ARPP21: variants seen among roughly 807,000 people sequenced by gnomAD.
ARPP21 encodes cAMP-regulated phosphoprotein 21.
Under a neutral mutation model 113.2 loss-of-function variants are expected in ARPP21, and 69 were observed. The observed-to-expected ratio is 0.61, with a 90% CI of 0.50 to 0.74. ARPP21 has a LOEUF of 0.74. Ranked by LOEUF, ARPP21 falls within the 30% of genes least tolerant of loss-of-function variation. The pLI is 0.00. For synonymous variants in ARPP21, 368 were observed against 375.5 expected, an observed-to-expected ratio of 0.98 and a Z score of 0.23; for missense variants, 1,070 against 1,037.4, an observed-to-expected ratio of 1.03 and a Z score of -0.43.
rs185867328 is a variant in ARPP21 at position 35,793,829 on chromosome 3, G to T, written c.2415G>T (p.Pro805=). 1.3e-4 allele frequency: 207 copies of T among 1,614,112 alleles called. 3 individuals carry two copies. The South Asian group carries it at 2.1e-3, about 16-fold the overall frequency. The change falls in exon 21 of 21, where the codon CCG becomes CCT. Residue 805 remains proline, a synonymous_variant. Coordinates refer to ENST00000684406, the MANE Select transcript of ARPP21 (RefSeq NM_001385562.1). ...TGCCTGTTTACTGTAATGTCACACC[G>T]CCCACCCCTCAGAACAACCTTAGGC... ...TGMPVYCNVT[P]PTPQNNLRLI...
At chr3:35,683,004 G>A in intron 4 of ARPP21, 115 bp downstream of exon 4, 3 of 1,022,564 alleles carry the variant, frequency 2.9e-6, no homozygotes, top group Non-Finnish European at 2.9e-6. Context: ...ATATTGTGGG[G>A]CATCTCGGCT....
At chr3:35,708,890 T>A in intron 10 of ARPP21, 79 bp from the exon 11 acceptor site, 1 of 903,504 alleles carries the variant, frequency 1.1e-6, no homozygotes. Flanking sequence ...CATTTATTAT[T>A]CTTAGCTGAC....
intron 11 of ARPP21, among the ~76,000 whole-genome samples, chr3:35,712,018 C>T (rs985573224): frequency 6.6e-6 from 1 of 152,068 alleles, no homozygotes; most frequent in African/African-American, 2.4e-5. Context: ...TGGGGGTGAC[C>T]CTGTATAAAG....
intron 1 of ARPP21, among the ~76,000 whole-genome samples, chr3:35,661,696 T>C (rs1286875357): frequency 6.6e-6 from 1 of 152,200 alleles, no homozygotes; most frequent in African/African-American, 2.4e-5. Flanking sequence ...AAGAGTACTT[T>C]TGTAGGCAAC....
chr3:35,722,031 C>T (rs886563687), intron 14 of ARPP21, among the ~76,000 whole-genome samples, 197 bp downstream of exon 14: 1 of 152,150 alleles, frequency 6.6e-6, no homozygotes, highest in Non-Finnish European at 1.5e-5. Flanking sequence ...TTACTAACCT[C>T]TCCAAGTTTC....
rs554648801 is a variant in ARPP21, at chr3:35,740,338, C to A, written c.2010+761C>A. 4.1e-4 allele frequency among the ~76,000 whole-genome samples: 62 copies of A among 152,330 alleles called. No homozygotes were observed. In the South Asian group the frequency reaches 0.012, roughly 30 times the overall value. On this transcript the variant is annotated intron_variant, in intron 18 of 20. Transcript: ENST00000684406. ...TTTTCTGGTCCATTTTCAAGGCACA[C>A]CGATCCCAAGAAAATTCCATCCTAA...
chr3:35,653,176 T>C (rs1386576695), intron 1 of ARPP21, among the ~76,000 whole-genome samples: 2 of 152,128 alleles, frequency 1.3e-5, no homozygotes, highest in Non-Finnish European at 2.9e-5. Flanking sequence ...TTTGTGTGCC[T>C]ATGTAATGTC....
chr3:35,750,799 CA>C (rs2095374967), intron 19 of ARPP21, among the ~76,000 whole-genome samples: 1 of 152,030 alleles, frequency 6.6e-6, no homozygotes, highest in South Asian at 2.1e-4. Flanking sequence ...GTTCCTTTTG[CA>C]ATTGAATAAG....
chr3:35,784,638 A>T (rs2096593496), intron 19 of ARPP21, among the ~76,000 whole-genome samples: 2 of 152,066 alleles, frequency 1.3e-5, no homozygotes, highest in Admixed American at 6.6e-5. Context: ...GCCCTAGAAA[A>T]CTACTGTTGC....
At chr3:35,753,970 T>G (rs2095488752) in intron 19 of ARPP21, among the ~76,000 whole-genome samples, 1 of 151,638 alleles carries the variant, frequency 6.6e-6, no homozygotes, top group East Asian at 1.9e-4. Flanking sequence ...AGAAGGTTTT[T>G]TTTTTTTTTT....
At chr3:35,735,045 C>T (rs889628812) in intron 15 of ARPP21, among the ~76,000 whole-genome samples, 4 of 152,100 alleles carry the variant, frequency 2.6e-5, no homozygotes, top group Non-Finnish European at 4.4e-5. Flanking sequence ...GTATGAATAT[C>T]GTATGTACTT....
chr3:35,771,517 C>T (rs1023670448), intron 19 of ARPP21, among the ~76,000 whole-genome samples: 1 of 151,888 alleles, frequency 6.6e-6, no homozygotes, highest in Non-Finnish European at 1.5e-5. Context: ...TTAGTAATGA[C>T]GGGGTTTCAC....
intron 12 of ARPP21, 29 bp downstream of exon 12, chr3:35,715,505 T>C (rs2092256005): frequency 6.3e-7 from 1 of 1,577,290 alleles, no homozygotes; most frequent in African/African-American, 1.3e-5. Flanking sequence ...TTCCATGTCT[T>C]TAGAGGAACA....
intron 13 of ARPP21, among the ~76,000 whole-genome samples, 194 bp from the exon 14 acceptor site, chr3:35,721,411 A>G (rs563430831): frequency 6.6e-6 from 1 of 152,288 alleles, no homozygotes; most frequent in South Asian, 2.1e-4. Flanking sequence ...CCTATGTGTT[A>G]TATGTGATGT....
intron 1 of ARPP21, among the ~76,000 whole-genome samples, chr3:35,641,889 A>G (rs1036075452): frequency 1.3e-5 from 2 of 152,112 alleles, no homozygotes; most frequent in African/African-American, 4.8e-5. Flanking sequence ...TAGTATTTTG[A>G]TTTTGTTTAA....
chr3:35,690,086 G>A lies in ARPP21; in HGVS notation c.491G>A (p.Arg164Lys), dbSNP rs867190505. Reference sequence around the variant, plus strand: ...ATTTAACATTTATTTTGCAGGGACAGGATGATACTTTTGAAAATGGAGCAG... The same window carrying A: ...ATTTAACATTTATTTTGCAGGGACAAGATGATACTTTTGAAAATGGAGCAG... ...INTLKNNSRDRMILLKMEQEI... is the reference protein window; with the variant it reads ...INTLKNNSRDKMILLKMEQEI... The change falls in exon 8 of 21, where the codon AGG (arginine) becomes AAG (lysine). Residue 164 changes from arginine to lysine, a missense_variant. Physicochemically the swap from Arg to Lys is conservative, Grantham distance 26. Transcript: ENST00000684406. 4.3e-6 allele frequency: 6 copies of A among 1,396,858 alleles called. No individual in the cohort carries two copies. The highest frequency in any genetic ancestry group is 6.1e-6 in the Non-Finnish European group (6 of 983,608). The allele number at this position is 1,396,858 out of a possible 1,614,324, so 86.5% of individuals were successfully genotyped here. A position where few individuals can be genotyped will look rare whatever the true frequency, so the allele number is the denominator to read the frequency against.
At chr3:35,653,505 T>C (rs187292491) in intron 1 of ARPP21, among the ~76,000 whole-genome samples, 6 of 152,148 alleles carry the variant, frequency 3.9e-5, no homozygotes, top group Admixed American at 3.3e-4. Flanking sequence ...CACAGATCTA[T>C]ACTTGTGGTT....
intron 1 of ARPP21, among the ~76,000 whole-genome samples, chr3:35,653,424 A>G (rs1703342245): frequency 6.6e-6 from 1 of 152,088 alleles, no homozygotes; most frequent in Non-Finnish European, 1.5e-5. Flanking sequence ...TAGTGAAGCC[A>G]TGACAAAGAA....
intron 19 of ARPP21, among the ~76,000 whole-genome samples, chr3:35,772,070 TG>T (rs1441114262): frequency 6.6e-6 from 1 of 152,202 alleles, no homozygotes; most frequent in Non-Finnish European, 1.5e-5. Flanking sequence ...CAAATGTAGC[TG>T]TTATTTGAAG....
Sources: gnomAD v4.1 joint callset for allele counts (sites outside exome capture counted in the v4.1 genomes callset) on GRCh38, gnomAD v4.1.1 for gene constraint, MANE v1.5 for transcripts, NCBI Gene and HGNC (gene_info 2026-07-23, HGNC 2026-07-21) for gene names.